EPB41L4B: variants seen among roughly 807,000 people sequenced by gnomAD.
EPB41L4B encodes the protein erythrocyte membrane protein band 4.1 like 4B, also known as band 4.1-like protein 4B.
In EPB41L4B, 30 loss-of-function variants were observed where a neutral mutation model predicts 112.5. The observed-to-expected ratio is 0.27, with a 90% CI of 0.20 to 0.36. The LOEUF (loss-of-function observed/expected upper bound fraction) is 0.36. EPB41L4B is among the 10% of genes least tolerant of loss of function. EPB41L4B has a pLI of 1.00. For synonymous variants in EPB41L4B, 408 were observed against 439.7 expected (o/e 0.93, Z 0.90); for missense variants, 1,024 against 1,133.3 (o/e 0.90, Z 1.38).
intron 15 of EPB41L4B, among the ~76,000 whole-genome samples, chr9:109,217,572 C>T (rs1325405498): frequency 1.3e-5 from 2 of 152,168 alleles, no homozygotes; most frequent in Non-Finnish European, 1.5e-5. Context: ...AACATCAGTG[C>T]TGCAACATCT....
At chr9:109,193,460 C>T (rs895245453) in intron 21 of EPB41L4B, among the ~76,000 whole-genome samples, 1 of 152,170 alleles carries the variant, frequency 6.6e-6, no homozygotes, top group African/African-American at 2.4e-5. Context: ...AATTGAGGCT[C>T]GAAGAAATAA....
intron 17 of EPB41L4B, among the ~76,000 whole-genome samples, chr9:109,210,699 G>A (rs113922835): frequency 4.4e-3 from 674 of 152,248 alleles, no homozygotes; most frequent in Non-Finnish European, 5.4e-3. Flanking sequence ...TTTGTGCGTC[G>A]TCATATGAAT....
Position 109,268,381 on chromosome 9 carries a change from GCTTA to G in EPB41L4B, c.454+6_454+9del. The G allele has an allele frequency of 6.2e-7, 1 of 1,610,350 alleles. No homozygotes were observed. Among genetic ancestry groups the G allele is most frequent in the Non-Finnish European group, 8.5e-7 (1 of 1,178,744 alleles). ...AAAATAAATGAGTGAGCTAAATTCT[GCTTA>G]CTTACTTTTCATCTGCTTTTTTATG... On this transcript the variant is annotated splice_donor_region_variant and intron_variant, in intron 3 of 25. Coordinates refer to ENST00000374566, the MANE Select transcript of EPB41L4B (RefSeq NM_019114.5).
At chr9:109,232,296 C>G (rs558756585) in intron 15 of EPB41L4B, among the ~76,000 whole-genome samples, 1 of 151,410 alleles carries the variant, frequency 6.6e-6, no homozygotes, top group Admixed American at 6.6e-5. Context: ...CCGGTCACTT[C>G]TGGGTTTCTT....
rs1831683338 is a variant in EPB41L4B, at chr9:109,172,946, T to A, written c.*1608A>T. On this transcript the variant is annotated 3_prime_UTR_variant, in exon 26 of 26. Transcript: ENST00000374566. ...ATACAATATAACATAAAAATACAGT[T>A]CTGATACAAATATATGAGATCAGTT... The A allele has an allele frequency of 6.6e-6, 1 of 152,562 alleles. No homozygotes were observed. Among genetic ancestry groups the A allele is most frequent in the African/African-American group, 2.4e-5 (1 of 41,424 alleles). 9.5% of individuals were successfully genotyped at this position (152,562 alleles called of 1,614,324 possible). A position where few individuals can be genotyped will look rare whatever the true frequency, so the allele number is the denominator to read the frequency against.
chr9:109,176,040 TCACACACACGCA>T (rs1235397795), intron 25 of EPB41L4B, among the ~76,000 whole-genome samples: 1,502 of 43,450 alleles, frequency 0.035, 12 homozygotes, highest in African/African-American at 0.1. Context: ...CTTGTCAATA[TCACACACACGCA>T]CACACACACA....
chr9:109,298,280 T>C (rs1836816022), intron 1 of EPB41L4B, among the ~76,000 whole-genome samples: 1 of 151,646 alleles, frequency 6.6e-6, no homozygotes, highest in South Asian at 2.1e-4. Flanking sequence ...TCCTTACCCA[T>C]TCACTAAGAA....
Position 109,173,357 on chromosome 9 carries a change from C to T in EPB41L4B, c.*1197G>A, listed in dbSNP as rs938284492. Reference sequence around the variant, plus strand: ...TATAAAATACTTCATGCTCTTTGACCTTGTAATCCCTCTTTGGAGATATTC... The same window carrying T: ...TATAAAATACTTCATGCTCTTTGACTTTGTAATCCCTCTTTGGAGATATTC... On this transcript the variant is annotated 3_prime_UTR_variant, in exon 26 of 26. Transcript: ENST00000374566. The T allele has an allele frequency of 6.6e-6, 1 of 152,198 alleles. No individual in the cohort carries two copies. Among genetic ancestry groups the T allele is most frequent in the Non-Finnish European group, 1.5e-5 (1 of 67,980 alleles). The allele number at this position is 152,198 out of a possible 1,614,324, so 9.4% of individuals were successfully genotyped here.
At position 109,279,835 on chromosome 9, in the gene EPB41L4B, G is replaced by A. The variant is rs761043621; in HGVS notation, c.393C>T (p.Leu131=). 1.9e-5 allele frequency: 30 copies of A among 1,613,960 alleles called. No homozygotes were observed. Among genetic ancestry groups the A allele is most frequent in the East Asian group, 6.7e-5 (3 of 44,890 alleles). ...VETDYFGLQF[L]DSAQVAHWLD... ...AACCTACCGCAACCTGGGCAGAGTCGAGGAACTGGAGGCCAAAGTAATCTG... is the reference window on the plus strand; with the variant it reads ...AACCTACCGCAACCTGGGCAGAGTCAAGGAACTGGAGGCCAAAGTAATCTG... Residue 131 remains leucine (L), a synonymous_variant, in exon 2 of 26, where the codon CTC becomes CTT. Coordinates refer to ENST00000374566, the MANE Select transcript of EPB41L4B (RefSeq NM_019114.5).
chr9:109,251,812 G>C (rs945086733), intron 12 of EPB41L4B, among the ~76,000 whole-genome samples: 8 of 152,178 alleles, frequency 5.3e-5, no homozygotes, highest in African/African-American at 1.9e-4. Flanking sequence ...GAGAAAGGCA[G>C]ATACAGAGAA....
At chr9:109,242,268 C>T (rs1834378869) in intron 15 of EPB41L4B, among the ~76,000 whole-genome samples, 1 of 152,150 alleles carries the variant, frequency 6.6e-6, no homozygotes, top group Non-Finnish European at 1.5e-5. Flanking sequence ...GATTCTGATC[C>T]AGTAGGTCTG....
At chr9:109,267,727 G>A (rs1457168579) in intron 3 of EPB41L4B, among the ~76,000 whole-genome samples, 176 bp from the exon 4 acceptor site, 2 of 152,182 alleles carry the variant, frequency 1.3e-5, no homozygotes, top group South Asian at 2.1e-4. Flanking sequence ...AACTGAGATG[G>A]ATGGACTTTT....
In EPB41L4B at chr9:109,217,019, A is replaced by T; in HGVS notation, c.1536T>A (p.His512Gln). The change falls in exon 16 of 26, where the codon CAT becomes CAA. Residue 512 changes from histidine (H) to glutamine (Q), a missense_variant. Transcript: ENST00000374566. ...GRHHHQHQHQ[H>Q]QHQHHSNYSL... The stretch of plus-strand genomic sequence containing the variant: ...TGTAGTTTGAGTGGTGCTGGTGCTG[A>T]TGCTGATGCTGGTGCTGGTGGTGAT... 3 of 1,614,164 alleles carry T rather than the reference A, an allele frequency of 1.9e-6. No homozygotes were observed. The highest frequency in any genetic ancestry group is 1.7e-6 in the Non-Finnish European group (2 of 1,180,042).
chr9:109,216,951 G>A lies in EPB41L4B; in HGVS notation c.1604C>T (p.Ser535Phe), dbSNP rs1181792605. 6.2e-7 allele frequency: 1 copy of A among 1,614,146 alleles called. No individual in the cohort carries two copies. Among genetic ancestry groups the A allele is most frequent in the Non-Finnish European group, 8.5e-7 (1 of 1,180,006 alleles). The change falls in exon 16 of 26, where the codon TCC becomes TTC. Residue 535 changes from serine to phenylalanine, a missense_variant. Transcript: ENST00000374566. The stretch of plus-strand genomic sequence containing the variant: ...AAGGGACTTGCTGCTGGAGTTTGGG[G>A]ACCTCAGAGGCCCCTCTTTGTTCTC... ...TLENKEGPLR[S>F]PNSSSKSLTK... is the part of the protein sequence containing the mutation.
chr9:109,191,712 TG>T (rs1376988696), intron 22 of EPB41L4B, among the ~76,000 whole-genome samples: 1 of 152,092 alleles, frequency 6.6e-6, no homozygotes, highest in East Asian at 1.9e-4. Context: ...AAAGCCACCA[TG>T]TTTTTTTTTT....
chr9:109,286,381 T>C (rs1165764319), intron 1 of EPB41L4B, among the ~76,000 whole-genome samples: 1 of 152,102 alleles, frequency 6.6e-6, no homozygotes, highest in Non-Finnish European at 1.5e-5. Flanking sequence ...AAAAAGAGGA[T>C]ACACTCATTA....
intron 1 of EPB41L4B, among the ~76,000 whole-genome samples, chr9:109,303,703 G>T (rs1224923073): frequency 6.6e-6 from 1 of 151,204 alleles, no homozygotes; most frequent in East Asian, 1.9e-4. Flanking sequence ...GGGGTCTCTT[G>T]CAATGTTGCC....
intron 18 of EPB41L4B, among the ~76,000 whole-genome samples, chr9:109,205,864 C>A (rs1417666020): frequency 6.6e-6 from 1 of 152,220 alleles, no homozygotes; most frequent in Non-Finnish European, 1.5e-5. Context: ...CTTAAGGTGA[C>A]ATTCCTGATC....
rs376159236 is a variant in EPB41L4B at position 109,216,946 on chromosome 9, T to A, written c.1609A>T (p.Asn537Tyr). 8 of 1,614,156 alleles carry A rather than the reference T, an allele frequency of 5.0e-6. No individual in the cohort carries two copies. The highest frequency in any genetic ancestry group is 6.8e-6 in the Non-Finnish European group (8 of 1,179,986). The change falls in exon 16 of 26, where the codon AAC becomes TAC. Residue 537 changes from asparagine (N) to tyrosine (Y), a missense_variant. Transcript: ENST00000374566. ...CTTGTAAGGGACTTGCTGCTGGAGT[T>A]TGGGGACCTCAGAGGCCCCTCTTTG... ...ENKEGPLRSP[N>Y]SSSKSLTKLS...
Sources: allele counts gnomAD v4.1 joint callset (sites outside exome capture counted in the v4.1 genomes callset), GRCh38; gene constraint gnomAD v4.1.1; transcripts MANE v1.5; gene names NCBI Gene and HGNC (gene_info 2026-07-23, HGNC 2026-07-21).